ADGRD2: variants seen among roughly 807,000 people sequenced by gnomAD.
ADGRD2 encodes the protein adhesion G protein-coupled receptor D2.
A neutral mutation model predicts 44.4 loss-of-function variants in ADGRD2; 71 were observed. That is an observed-to-expected ratio of 1.60 (90% CI 1.32 to 1.95). The LOEUF is 1.95. ADGRD2 is among the 30% of genes most tolerant of loss of function. ADGRD2 has a pLI of 0.00. For missense variants in ADGRD2, 1,039 were observed against 512.4 expected (o/e 2.03, Z -9.92); for synonymous variants, 481 against 224.8 (o/e 2.14, Z -10.19).
At chr9:124,466,215 G>T (rs1486334020) in intron 10 of ADGRD2, 43 bp from the exon 14 acceptor site, 3 of 549,762 alleles carry the variant, frequency 5.5e-6, no homozygotes, top group Non-Finnish European at 1.0e-5. Context: ...CCTTTCCCCT[G>T]CTTGCTTCTG....
chr9:124,463,994 C>T (rs759637372), intron 10 of ADGRD2, among the ~76,000 whole-genome samples: 14 of 152,050 alleles, frequency 9.2e-5, no homozygotes, highest in African/African-American at 1.7e-4. Flanking sequence ...CATACCACCA[C>T]GCCTGGCTAA....
intron 19 of ADGRD2, among the ~76,000 whole-genome samples, chr9:124,475,849 T>G (rs1445778184): frequency 6.6e-6 from 1 of 152,052 alleles, no homozygotes; most frequent in Non-Finnish European, 1.5e-5. Context: ...GCCCAGTGCC[T>G]CAGTTTCCCC....
In ADGRD2 at chr9:124,458,104, C is replaced by T. The variant is rs1475612582; in HGVS notation, c.1641-9C>T. On this transcript the variant is annotated splice_polypyrimidine_tract_variant and intron_variant, in intron 8 of 21. Transcript: ENST00000334810. The stretch of plus-strand genomic sequence containing the variant: ...GGGTGGTGCCTTGGTGCCCCTTCCT[C>T]TCAGCCAGGCCTCTCTGGAGTCACC... 2.8e-6 allele frequency: 2 copies of T among 718,450 alleles called. No homozygotes were observed. Among genetic ancestry groups the T allele is most frequent in the South Asian group, 3.0e-5 (2 of 67,578 alleles). 44.5% of individuals were successfully genotyped at this position (718,450 alleles called of 1,614,324 possible).
At chr9:124,477,388 T>C (rs529571617) in intron 21 of ADGRD2, among the ~76,000 whole-genome samples, 2 of 152,346 alleles carry the variant, frequency 1.3e-5, no homozygotes, top group African/African-American at 4.8e-5. Flanking sequence ...GGTGACTGTT[T>C]CCAGCGAAGG....
intron 8 of ADGRD2, among the ~76,000 whole-genome samples, 165 bp downstream of exon 11, chr9:124,457,771 A>G (rs1831645788): frequency 6.6e-6 from 1 of 152,200 alleles, no homozygotes; most frequent in Non-Finnish European, 1.5e-5. Context: ...AAAAGCACCC[A>G]CCACAGAGTG....
intron 20 of ADGRD2, 41 bp downstream of exon 23, chr9:124,476,456 G>GA: frequency 1.5e-6 from 1 of 688,942 alleles, no homozygotes; most frequent in Non-Finnish European, 2.7e-6. Context: ...GCTCTGCCAG[G>GA]GGGCTGGCAA....
At chr9:124,478,541 C>T (rs186084462) in exon 22 of ADGRD2, 150 of 152,656 alleles carry the variant, frequency 9.8e-4, no homozygotes, top group African/African-American at 3.5e-3. Flanking sequence ...GAAGTTCCAA[C>T]GGGCTCTGCC....
chr9:124,472,448 GTTTGTTTGTTT>G (rs200552423), intron 17 of ADGRD2, among the ~76,000 whole-genome samples: 93,805 of 150,220 alleles, frequency 0.62, 29,402 homozygotes, highest in East Asian at 0.77. Flanking sequence ...TTGTTTGTTT[GTTTGTTTGTTT>G]TTTGTTTGTT....
rs1473084620 is a variant in ADGRD2 at position 124,454,511 on chromosome 9, A to T, written c.1052A>T (p.Gln351Leu). The change falls in exon 5 of 22, where the codon CAG becomes CTG. Residue 351 changes from glutamine (Q) to leucine (L), a missense_variant. Transcript: ENST00000334810. This position sits in a 1 kb window ranked among gnomAD's most constrained non-coding sequence, Gnocchi z 4.5. ...CCCTATCGTCGGCTGCAGGATGCCCAGTCGTGGCCTGGCCAGGATGTTATC... is the reference window on the plus strand; with the variant it reads ...CCCTATCGTCGGCTGCAGGATGCCCTGTCGTGGCCTGGCCAGGATGTTATC... The T allele has an allele frequency of 2.8e-6, 2 of 716,086 alleles. No individual in the cohort carries two copies. The highest frequency in any genetic ancestry group is 3.5e-5 in the African/African-American group (2 of 57,226). The allele number at this position is 716,086 out of a possible 1,614,324, so 44.4% of individuals were successfully genotyped here.
At chr9:124,472,728 G>C (rs1309079468) in intron 17 of ADGRD2, among the ~76,000 whole-genome samples, 1 of 152,116 alleles carries the variant, frequency 6.6e-6, no homozygotes, top group Non-Finnish European at 1.5e-5. Flanking sequence ...GGTTGGTCTT[G>C]AACTCCTAAC....
intron 10 of ADGRD2, among the ~76,000 whole-genome samples, chr9:124,464,590 T>C (rs1831779806): frequency 6.6e-6 from 1 of 152,228 alleles, no homozygotes; most frequent in South Asian, 2.1e-4. Context: ...TCAGGACAGA[T>C]GGCCCAAGTC....
chr9:124,455,925 C>T (rs994490046), intron 6 of ADGRD2, among the ~76,000 whole-genome samples: 1 of 152,194 alleles, frequency 6.6e-6, no homozygotes, highest in African/African-American at 2.4e-5. Flanking sequence ...AACCTGGTCC[C>T]CCTGTGGGCC....
At chr9:124,472,046 G>C (rs1057097324) in intron 17 of ADGRD2, among the ~76,000 whole-genome samples, 3 of 152,162 alleles carry the variant, frequency 2.0e-5, no homozygotes, top group African/African-American at 7.2e-5. Context: ...TCTTTGCCAG[G>C]TGCCCCTCTC....
upstream of ADGRD2, among the ~76,000 whole-genome samples, chr9:124,450,894 T>G (rs888784024): frequency 6.6e-6 from 1 of 152,136 alleles, no homozygotes; most frequent in African/African-American, 2.4e-5. Flanking sequence ...CTCAGGCACA[T>G]TTGTGTAAAG....
At chr9:124,453,334 G>A (rs1467401769) in exon 3 of ADGRD2, 7 of 506,214 alleles carry the variant, frequency 1.4e-5, no homozygotes, top group East Asian at 3.5e-5. Context: ...CCATGTGTGC[G>A]CCACGTGGGA....
rs555810547 is a variant in ADGRD2 at position 124,454,176 on chromosome 9, G to A, written c.1022+79G>A. 7.9e-5 allele frequency: 48 copies of A among 607,100 alleles called. No individual in the cohort carries two copies. In the East Asian group the frequency reaches 1.3e-3, roughly 16 times the overall value. The allele number at this position is 607,100 out of a possible 1,614,324, so 37.6% of individuals were successfully genotyped here. Reference sequence around the variant, plus strand: ...GGAGTAGACTGAGAGGGGGTGAGCTGCTGGCAAAGTCTGGGAATTCAGAAT... The same window carrying A: ...GGAGTAGACTGAGAGGGGGTGAGCTACTGGCAAAGTCTGGGAATTCAGAAT... On this transcript the variant is annotated intron_variant, in intron 4 of 21. Transcript: ENST00000334810. The surrounding 1 kb of genome is among the most constrained non-coding windows in gnomAD (Gnocchi z 4.5).
intron 14 of ADGRD2, 111 bp from the exon 18 acceptor site, chr9:124,469,111 C>A: frequency 1.6e-6 from 1 of 628,322 alleles, no homozygotes; most frequent in East Asian, 2.7e-5. Context: ...TCCCCAGTGC[C>A]CCCAGTACAA....
At chr9:124,452,044 G>A, upstream of ADGRD2, 2 of 446,178 alleles carry the variant, frequency 4.5e-6, no homozygotes. Context: ...AACTGCAAGT[G>A]TGAGGGGAGG....
chr9:124,470,553 G>A (rs1173746594), exon 17 of ADGRD2: 1 of 710,300 alleles, frequency 1.4e-6, no homozygotes, highest in Admixed American at 2.0e-5. Flanking sequence ...TGGCTGGCAG[G>A]CATCCTGGTG....
Sources: allele counts gnomAD v4.1 joint callset (sites outside exome capture counted in the v4.1 genomes callset), GRCh38; gene constraint gnomAD v4.1.1; non-coding constraint Gnocchi (gnomAD v3.1); transcripts MANE v1.5; gene names NCBI Gene and HGNC (gene_info 2026-07-23, HGNC 2026-07-21).